Variants in KSR2 observed in about 807,000 individuals in gnomAD.
KSR2 encodes kinase suppressor of ras 2.
A neutral mutation model predicts 107.8 loss-of-function variants in KSR2; 25 were observed. That is an observed-to-expected ratio of 0.23 (90% CI 0.17 to 0.32). The LOEUF is 0.32. Among genes scored for constraint, KSR2 ranks in the 10% least tolerant of loss-of-function variants. The pLI is 1.00. For synonymous variants in KSR2, 480 were observed against 507.0 expected (o/e 0.95, Z 0.71); for missense variants, 887 against 1,268.9 (o/e 0.70, Z 4.57).
intron 16 of KSR2, among the ~76,000 whole-genome samples, chr12:117,483,630 GTTTA>G (rs933555013): frequency 4.7e-4 from 72 of 152,300 alleles, no homozygotes; most frequent in African/African-American, 1.6e-3. Flanking sequence ...ATTATGGGTT[GTTTA>G]TTTGAGATCA....
intron 5 of KSR2, among the ~76,000 whole-genome samples, chr12:117,639,742 C>T (rs1749144387): frequency 2.0e-5 from 3 of 151,504 alleles, no homozygotes; most frequent in Non-Finnish European, 2.9e-5. Context: ...TCCTGTTGCA[C>T]CCTCCCTCAT....
At chr12:117,780,257 C>G (rs1889839055) in intron 3 of KSR2, among the ~76,000 whole-genome samples, 1 of 152,190 alleles carries the variant, frequency 6.6e-6, no homozygotes, top group Non-Finnish European at 1.5e-5. Flanking sequence ...GATATTTATA[C>G]ACCAATGTTC....
chr12:117,474,032 C>T (rs561543834), intron 17 of KSR2, among the ~76,000 whole-genome samples: 10 of 152,272 alleles, frequency 6.6e-5, no homozygotes, highest in African/African-American at 1.7e-4. Context: ...TTTCTGAGCA[C>T]GAGATTCCCA....
chr12:117,573,123 C>G lies in KSR2; in HGVS notation c.1325+5996G>C, dbSNP rs144105973. Among the ~76,000 whole-genome samples, 153 of 152,278 alleles carry G rather than the reference C, an allele frequency of 1.0e-3. 1 individual carries two copies. The East Asian group carries it at 0.027, about 27-fold the overall frequency. On this transcript the variant is annotated intron_variant, in intron 7 of 19. Coordinates refer to ENST00000339824, the MANE Select transcript of KSR2 (RefSeq NM_173598.6). ...ATTTCCTATTAGTTCATTAATCTCT[C>G]TATTCAGAATGCCAACAAGACAGCT...
At chr12:117,795,515 A>C (rs1890592949) in intron 3 of KSR2, among the ~76,000 whole-genome samples, 2 of 152,178 alleles carry the variant, frequency 1.3e-5, no homozygotes, top group Admixed American at 6.5e-5. Flanking sequence ...CAGAATCTTC[A>C]CAGATGTCCC....
intron 1 of KSR2, among the ~76,000 whole-genome samples, chr12:117,879,395 T>C (rs1893959018): frequency 6.6e-6 from 1 of 152,242 alleles, no homozygotes; most frequent in Non-Finnish European, 1.5e-5. Context: ...ATATTATTAA[T>C]AGAAAGCAAC....
intron 1 of KSR2, among the ~76,000 whole-genome samples, chr12:117,905,643 C>G (rs984490414): frequency 4.6e-5 from 7 of 152,160 alleles, no homozygotes; most frequent in East Asian, 1.9e-4. Flanking sequence ...GTGATTGTAT[C>G]TGCTTCCCTG....
In KSR2 at chr12:117,485,589, C is replaced by G. The variant is rs753626344; in HGVS notation, c.2316+6G>C. On this transcript the variant is annotated splice_donor_region_variant and intron_variant, in intron 15 of 19. Coordinates refer to ENST00000339824, the MANE Select transcript of KSR2 (RefSeq NM_173598.6). ...TTTAGATAGGAGGCCCAAGAGCCGA[C>G]AGTACCTTCACAATTTCTTGAGCAA... The G allele has an allele frequency of 6.2e-7, 1 of 1,611,764 alleles. No homozygotes were observed. The highest frequency in any genetic ancestry group is 1.1e-5 in the South Asian group (1 of 91,022).
At chr12:117,924,958 A>T (rs376580096) in intron 1 of KSR2, among the ~76,000 whole-genome samples, 5 of 152,200 alleles carry the variant, frequency 3.3e-5, no homozygotes, top group African/African-American at 1.2e-4. Flanking sequence ...TTTGAGATGC[A>T]TACTGAAGTA....
chr12:117,820,321 GT>G (rs1403567178), intron 3 of KSR2, among the ~76,000 whole-genome samples: 1 of 152,106 alleles, frequency 6.6e-6, no homozygotes, highest in East Asian at 1.9e-4. Context: ...GGCGGGGGAT[GT>G]TCTGCCTAAC....
chr12:117,763,795 T>C (rs1231792396), intron 3 of KSR2, among the ~76,000 whole-genome samples: 1 of 152,002 alleles, frequency 6.6e-6, no homozygotes, highest in Non-Finnish European at 1.5e-5. Context: ...TAGAGCCCAA[T>C]TAAGGGGTAT....
At position 117,797,789 on chromosome 12, in the gene KSR2, G is replaced by A. The variant is rs149488227; in HGVS notation, c.473-36265C>T. Among the ~76,000 whole-genome samples the A allele has an allele frequency of 7.6e-4, 115 of 151,954 alleles. 1 individual carries two copies. The highest frequency in any genetic ancestry group is 2.7e-3 in the African/African-American group (113 of 41,434). ...TTCCACCTCAGCCTCCCAAGTAGCT[G>A]GGACCACAGGTGCGCACAATCATGC... On this transcript the variant is annotated intron_variant, in intron 3 of 19. Coordinates refer to ENST00000339824, the MANE Select transcript of KSR2 (RefSeq NM_173598.6).
At chr12:117,937,394 C>CTATTAT (rs957169248) in intron 1 of KSR2, among the ~76,000 whole-genome samples, 1 of 151,780 alleles carries the variant, frequency 6.6e-6, no homozygotes, top group Admixed American at 6.6e-5. Context: ...TCTTGCCCAT[C>CTATTAT]TATTATTATT....
At chr12:117,793,124 G>A (rs1291488322) in intron 3 of KSR2, among the ~76,000 whole-genome samples, 2 of 94,834 alleles carry the variant, frequency 2.1e-5, no homozygotes, top group Non-Finnish European at 4.0e-5. Context: ...ACACAAACAT[G>A]CACACACACA....
At chr12:117,675,685 C>T (rs1885086532) in intron 4 of KSR2, among the ~76,000 whole-genome samples, 1 of 152,232 alleles carries the variant, frequency 6.6e-6, no homozygotes, top group African/African-American at 2.4e-5. Context: ...CGCTGGCTCA[C>T]ATGGCCTCAG....
chr12:117,697,236 A>G (rs1271025173), intron 4 of KSR2, among the ~76,000 whole-genome samples: 1 of 152,232 alleles, frequency 6.6e-6, no homozygotes, highest in African/African-American at 2.4e-5. Flanking sequence ...TTTATTGTTA[A>G]AGTAAATCCA....
At chr12:117,846,099 T>C (rs1158072808) in intron 3 of KSR2, among the ~76,000 whole-genome samples, 5 of 151,852 alleles carry the variant, frequency 3.3e-5, no homozygotes. Context: ...CCTACAGATT[T>C]CAGACCTTCC....
At chr12:117,795,738 C>T (rs1218972061) in intron 3 of KSR2, among the ~76,000 whole-genome samples, 2 of 152,112 alleles carry the variant, frequency 1.3e-5, no homozygotes, top group Admixed American at 1.3e-4. Flanking sequence ...AAGCAATCCT[C>T]CCGCCTCAAC....
chr12:117,824,997 T>C (rs997069199), intron 3 of KSR2, among the ~76,000 whole-genome samples: 1 of 150,864 alleles, frequency 6.6e-6, no homozygotes, highest in Non-Finnish European at 1.5e-5. Context: ...CTGGCCAACA[T>C]AGCGAAACCC....
Sources: gnomAD v4.1 joint callset for allele counts (sites outside exome capture counted in the v4.1 genomes callset) on GRCh38, gnomAD v4.1.1 for gene constraint, MANE v1.5 for transcripts, NCBI Gene and HGNC (gene_info 2026-07-23, HGNC 2026-07-21) for gene names.